Variants in EP400 observed in about 807,000 individuals in gnomAD.
EP400 encodes E1A-binding protein p400.
EP400 carries 105 observed loss-of-function variants against 354.1 expected under a neutral mutation model. That is an observed-to-expected ratio of 0.30 (90% confidence interval 0.25 to 0.35). The LOEUF is 0.35. Ranked by LOEUF, EP400 falls within the 10% of genes least tolerant of loss-of-function variation. EP400 has a pLI of 1.00. For missense variants in EP400, 3,280 were observed against 4,121.0 expected, an observed-to-expected ratio of 0.80 and a Z score of 5.59; for synonymous variants, 1,646 against 1,716.9, an observed-to-expected ratio of 0.96 and a Z score of 1.02.
At position 132,029,446 on chromosome 12, in the gene EP400, A is replaced by C. The variant is rs541632923; in HGVS notation, c.5382-255A>C. 338 of 542,468 alleles carry C rather than the reference A, an allele frequency of 6.2e-4. 1 individual carries two copies. Among genetic ancestry groups the C allele is most frequent in the African/African-American group, 5.7e-3 (303 of 53,070 alleles). The allele number at this position is 542,468 out of a possible 1,614,324, so 33.6% of individuals were successfully genotyped here. A position where few individuals can be genotyped will look rare whatever the true frequency, so the allele number is the denominator to read the frequency against. On this transcript the variant is annotated intron_variant, in intron 27 of 52. Transcript: ENST00000389561. This position sits in a 1 kb window ranked among gnomAD's most constrained non-coding sequence, Gnocchi z 4.7. ...CTGGTGCCTGCGGCCTAGGGAATCC[A>C]CCCCCATTGATCCATCAGCCCTGGA...
Position 132,073,459 on chromosome 12 carries a change from C to CTTTTTTTTTTTTTTTTTTTTTTTT in EP400, c.9022-3043_9022-3042insTTTTTTTTTTTTTTTTTTTTTTTT, listed in dbSNP as rs58724167. ...GTGCGTTTTAATTCTGTCCCTTTTCCTTTTTTTTTTTTTTGACACAGTCTT... is the reference window on the plus strand; with the variant it reads ...GTGCGTTTTAATTCTGTCCCTTTTCCTTTTTTTTTTTTTTTTTTTTTTTTTTTTTTTTTTTTTTGACACAGTCTT... On this transcript the variant is annotated intron_variant, in intron 51 of 52. Coordinates refer to ENST00000389561, the MANE Select transcript of EP400 (RefSeq NM_015409.5). Among the ~76,000 whole-genome samples the CTTTTTTTTTTTTTTTTTTTTTTTT allele has an allele frequency of 4.6e-3, 546 of 117,570 alleles. 66 individuals are homozygous for CTTTTTTTTTTTTTTTTTTTTTTTT. The highest frequency in any genetic ancestry group is 0.011 in the African/African-American group (258 of 22,608). The allele number at this position is 117,570 out of a possible 152,430, so 77.1% of individuals were successfully genotyped here.
At position 131,982,562 on chromosome 12, in the gene EP400, A is replaced by G. The variant is rs1593324357; in HGVS notation, c.1929+84A>G. The G allele has an allele frequency of 1.1e-5, 16 of 1,470,086 alleles. No homozygotes were observed. In the East Asian group the frequency reaches 3.7e-4, roughly 34 times the overall value. 91.1% of individuals were successfully genotyped at this position (1,470,086 alleles called of 1,614,324 possible). On this transcript the variant is annotated intron_variant, in intron 5 of 52. Transcript: ENST00000389561. ...TGTGTTAGACAGAGTGTCACACCAC[A>G]CTGTAATTTGTGTATTTTCTCTTAG...
In EP400 at chr12:132,018,282, T is replaced by C; in HGVS notation, c.4183T>C (p.Ser1395Pro). ...KITRHEAELL[S>P]KKKIPRKLME... The stretch of plus-strand genomic sequence containing the variant: ...CACTCGTCACGAGGCAGAGTTGCTG[T>C]CTAAGAAAAAGATACCGCGGAAACT... Residue 1395 changes from serine (S) to proline (P), a missense_variant, in exon 21 of 53, where the codon TCT (serine) becomes CCT (proline). By Grantham distance (74) the Ser-to-Pro change is moderately conservative. Transcript: ENST00000389561. This position sits in a 1 kb window ranked among gnomAD's most constrained non-coding sequence, Gnocchi z 4.0. 1 of 1,613,708 alleles carries C rather than the reference T, an allele frequency of 6.2e-7. No homozygotes were observed. Among genetic ancestry groups the C allele is most frequent in the Non-Finnish European group, 8.5e-7 (1 of 1,179,940 alleles).
At position 131,992,244 on chromosome 12, in the gene EP400, C is replaced by A. The variant is rs770235631; in HGVS notation, c.2737+14C>A. The A allele has an allele frequency of 6.2e-7, 1 of 1,607,100 alleles. No homozygotes were observed. Among genetic ancestry groups the A allele is most frequent in the Middle Eastern group, 1.7e-4 (1 of 6,042 alleles). ...CTGATGACGAAGGTCTGTTCCCCCTCAGCACTATCTTTGTCATCTCCAGGG... is the reference window on the plus strand; with the variant it reads ...CTGATGACGAAGGTCTGTTCCCCCTAAGCACTATCTTTGTCATCTCCAGGG... On this transcript the variant is annotated intron_variant, in intron 11 of 52. Transcript: ENST00000389561.
intron 27 of EP400, 140 bp downstream of exon 27, chr12:132,028,428 G>A: frequency 9.4e-7 from 1 of 1,058,764 alleles, no homozygotes; most frequent in Non-Finnish European, 1.4e-6. Flanking sequence ...TTTGAAGTTA[G>A]TCTTTGAGGT....
chr12:131,966,670 G>A (rs545192938), intron 2 of EP400, among the ~76,000 whole-genome samples: 11 of 151,434 alleles, frequency 7.3e-5, no homozygotes, highest in African/African-American at 2.2e-4. Context: ...TTCGGAGGCT[G>A]AGGCAGGCAG....
Position 132,011,603 on chromosome 12 carries a change from G to T in EP400, c.3410G>T (p.Gly1137Val). The T allele has an allele frequency of 1.2e-6, 2 of 1,611,532 alleles. No homozygotes were observed. Among genetic ancestry groups the T allele is most frequent in the Admixed American group, 1.7e-5 (1 of 59,726 alleles). The change falls in exon 16 of 53, where the codon GGC (glycine) becomes GTC (valine). Residue 1137 changes from glycine to valine, a missense_variant. Gly to Val is a moderately radical substitution (Grantham distance 109). This residue lies in a region of EP400 where 242 missense variants were observed against 357.9 expected (regional missense o/e 0.68). Coordinates refer to ENST00000389561, the MANE Select transcript of EP400 (RefSeq NM_015409.5). Reference sequence around the variant, plus strand: ...GGACTCAAAATCCTCTCATATATTGGCAGCCACAGAGAACTCAAAGCAAAG... The same window carrying T: ...GGACTCAAAATCCTCTCATATATTGTCAGCCACAGAGAACTCAAAGCAAAG... Reference protein sequence around the residue: ...CPGLKILSYIGSHRELKAKRQ... With the variant: ...CPGLKILSYIVSHRELKAKRQ...
At chr12:131,956,846 T>C (rs973208213) in intron 1 of EP400, among the ~76,000 whole-genome samples, 1 of 151,182 alleles carries the variant, frequency 6.6e-6, no homozygotes, top group African/African-American at 2.4e-5. Context: ...CATGCTTTTC[T>C]CCTTTTGTGA....
At chr12:131,951,410 T>G (rs751054057) in intron 1 of EP400, among the ~76,000 whole-genome samples, 11 of 151,870 alleles carry the variant, frequency 7.2e-5, no homozygotes, top group Non-Finnish European at 1.2e-4. Context: ...CTCGAACTCC[T>G]GACCTCAAAC....
At chr12:132,007,953 CTTTTT>C (rs11304784) in intron 15 of EP400, among the ~76,000 whole-genome samples, 1 of 149,242 alleles carries the variant, frequency 6.7e-6, no homozygotes, top group African/African-American at 2.5e-5. Flanking sequence ...AGCGAGGGTT[CTTTTT>C]TTTTTTGAGA....
At position 132,028,199 on chromosome 12, in the gene EP400, G is replaced by A. The variant is rs34531099; in HGVS notation, c.5292G>A (p.Ala1764=). The change falls in exon 27 of 53, where the codon GCG becomes GCA. Residue 1764 remains alanine (A), a synonymous_variant. Coordinates refer to ENST00000389561, the MANE Select transcript of EP400 (RefSeq NM_015409.5). ...DGRRGKEAGP[A]HSYTSSSESP... ...GTCGTGGGAAGGAGGCCGGGCCAGC[G>A]CACAGTTACACTTCATCCTCAGAAA... The A allele has an allele frequency of 4.0e-4, 643 of 1,614,162 alleles. 5 individuals are homozygous for A. The African/African-American group carries it at 7.8e-3, about 19-fold the overall frequency.
At chr12:132,024,398 A>G (rs1404192765) in intron 24 of EP400, among the ~76,000 whole-genome samples, 1 of 152,096 alleles carries the variant, frequency 6.6e-6, no homozygotes, top group Non-Finnish European at 1.5e-5. Flanking sequence ...TAACAGAAAT[A>G]TTTGCTGCTT....
intron 2 of EP400, among the ~76,000 whole-genome samples, chr12:131,974,537 A>G (rs1892402195): frequency 6.6e-6 from 1 of 152,138 alleles, no homozygotes; most frequent in Non-Finnish European, 1.5e-5. Flanking sequence ...TAGGTGGCAG[A>G]TGTTCTGTGA....
At chr12:132,037,217 G>T (rs1420600731) in intron 30 of EP400, among the ~76,000 whole-genome samples, 16 of 152,190 alleles carry the variant, frequency 1.1e-4, no homozygotes, top group Admixed American at 1.0e-3. Context: ...CCTCTTGTGG[G>T]TCTGGTAGTG....
intron 23 of EP400, among the ~76,000 whole-genome samples, chr12:132,021,856 AT>A (rs555428778): frequency 8.4e-4 from 128 of 152,320 alleles, no homozygotes; most frequent in Non-Finnish European, 1.2e-3. Context: ...ACAGTTATTA[AT>A]TTTTTTAATA....
chr12:132,029,747 C>A lies in EP400; in HGVS notation c.5428C>A (p.Arg1810=). 6.2e-7 allele frequency: 1 copy of A among 1,613,288 alleles called. No individual in the cohort carries two copies. The highest frequency in any genetic ancestry group is 8.5e-7 in the Non-Finnish European group (1 of 1,180,020). Residue 1810 remains arginine, a synonymous_variant, in exon 28 of 53, where the codon CGG becomes AGG. Coordinates refer to ENST00000389561, the MANE Select transcript of EP400 (RefSeq NM_015409.5). This position sits in a 1 kb window ranked among gnomAD's most constrained non-coding sequence, Gnocchi z 4.7. The part of the protein sequence containing the change: ...PPVVAAPPSL[R]VPRPPPLYSH... ...GGTGGTGGCAGCACCCCCGTCCCTA[C>A]GGGTGCCGCGGCCGCCACCCCTGTA...
rs1359315395 is a variant in EP400, at chr12:132,050,662, C to T, written c.7394+7C>T. ...CGTCTGTGTTGGCAGAAAGGTATTT[C>T]TCTATTCGTGACACATTTGTTACTG... is the stretch of plus-strand genomic sequence containing the variant. On this transcript the variant is annotated splice_region_variant and intron_variant, in intron 41 of 52. Transcript: ENST00000389561. This position sits in a 1 kb window ranked among gnomAD's most constrained non-coding sequence, Gnocchi z 4.8. 1.9e-6 allele frequency: 3 copies of T among 1,614,216 alleles called. No individual in the cohort carries two copies. Among genetic ancestry groups the T allele is most frequent in the Non-Finnish European group, 2.5e-6 (3 of 1,180,016 alleles).
intron 2 of EP400, among the ~76,000 whole-genome samples, chr12:131,973,992 T>A (rs1347240203): frequency 6.6e-6 from 1 of 150,766 alleles, no homozygotes; most frequent in African/African-American, 2.4e-5. Flanking sequence ...GTTTGTATTT[T>A]TTTTTTTTTT....
intron 12 of EP400, among the ~76,000 whole-genome samples, chr12:132,001,551 T>A (rs1206536510): frequency 6.6e-6 from 1 of 152,060 alleles, no homozygotes; most frequent in Non-Finnish European, 1.5e-5. Flanking sequence ...CTGACTGATG[T>A]CAGGGCCTCC....
Sources: allele counts gnomAD v4.1 joint callset (sites outside exome capture counted in the v4.1 genomes callset), GRCh38; gene constraint gnomAD v4.1.1; regional missense constraint gnomAD v4.1.1; non-coding constraint Gnocchi (gnomAD v3.1); transcripts MANE v1.5; gene names NCBI Gene and HGNC (gene_info 2026-07-23, HGNC 2026-07-21).